Variants in RANBP2 observed in about 807,000 individuals in gnomAD.
RANBP2 encodes the protein RAN binding protein 2.
In RANBP2, 57 loss-of-function variants were observed where a neutral mutation model predicts 303.6. The observed-to-expected ratio is 0.19, with a 90% confidence interval of 0.15 to 0.23. RANBP2 has a LOEUF of 0.23. Among genes scored for constraint, RANBP2 ranks in the 10% least tolerant of loss-of-function variants. The pLI, the probability that RANBP2 is intolerant of heterozygous loss-of-function variation, is 1.00. For missense variants in RANBP2, 3,138 were observed against 3,780.8 expected (o/e 0.83, Z 4.46); for synonymous variants, 1,167 against 1,301.5 (o/e 0.90, Z 2.23).
chr2:109,060,112 G>T, the RANBP2 span, among the ~76,000 whole-genome samples: 1 of 152,076 alleles, frequency 6.6e-6, no homozygotes, highest in Non-Finnish European at 1.5e-5. Context: ...ATACTTTGCA[G>T]TTACAGCTGA....
the RANBP2 span, among the ~76,000 whole-genome samples, chr2:109,689,533 G>A: frequency 6.6e-6 from 1 of 152,146 alleles, no homozygotes; most frequent in Non-Finnish European, 1.5e-5. Flanking sequence ...AGAGAGGTCA[G>A]CAGGCAACAA....
At chr2:109,713,753 TC>T in the RANBP2 span, among the ~76,000 whole-genome samples, 1 of 152,170 alleles carries the variant, frequency 6.6e-6, no homozygotes, top group African/African-American at 2.4e-5. Flanking sequence ...TTAAAGGGCA[TC>T]TGCAAAGAGC....
the RANBP2 span, among the ~76,000 whole-genome samples, chr2:109,691,600 T>C: frequency 1.3e-5 from 2 of 152,024 alleles, no homozygotes; most frequent in African/African-American, 4.8e-5. Flanking sequence ...GTACCTCAGG[T>C]GATCTCCTGG....
chr2:109,207,932 C>T, the RANBP2 span, among the ~76,000 whole-genome samples: 3 of 152,216 alleles, frequency 2.0e-5, no homozygotes, highest in African/African-American at 4.8e-5. Context: ...TAGTTTTGCT[C>T]TAATCTGGAA....
intron 7 of RANBP2, among the ~76,000 whole-genome samples, chr2:108,742,591 A>G (rs894919475): frequency 2.0e-5 from 3 of 152,112 alleles, no homozygotes; most frequent in African/African-American, 7.2e-5. Flanking sequence ...GGCATAAGCC[A>G]CCGAGCCCGG....
At chr2:109,561,869 GC>G in the RANBP2 span, among the ~76,000 whole-genome samples, 1 of 152,026 alleles carries the variant, frequency 6.6e-6, no homozygotes, top group Non-Finnish European at 1.5e-5. Flanking sequence ...CATATCCTTA[GC>G]CAGGTGTGAT....
the RANBP2 span, among the ~76,000 whole-genome samples, chr2:109,061,393 T>C: frequency 6.6e-6 from 1 of 152,114 alleles, no homozygotes; most frequent in African/African-American, 2.4e-5. Context: ...CATTTGTCAT[T>C]GCTGATTTTC....
At chr2:109,284,599 G>T in the RANBP2 span, among the ~76,000 whole-genome samples, 1 of 152,216 alleles carries the variant, frequency 6.6e-6, no homozygotes, top group Non-Finnish European at 1.5e-5. Context: ...TGGATGAAGG[G>T]CATAGAGTGG....
At chr2:109,448,872 A>G in the RANBP2 span, among the ~76,000 whole-genome samples, 1 of 152,166 alleles carries the variant, frequency 6.6e-6, no homozygotes, top group Non-Finnish European at 1.5e-5. Context: ...AGAACTGGGA[A>G]TGTGCCCATG....
At chr2:109,696,561 G>A in the RANBP2 span, among the ~76,000 whole-genome samples, 1 of 151,954 alleles carries the variant, frequency 6.6e-6, no homozygotes, top group Non-Finnish European at 1.5e-5. Context: ...TAGCTTCTTG[G>A]TCTTAAAATT....
At chr2:109,501,776 C>T in the RANBP2 span, 1 of 639,116 alleles carries the variant, frequency 1.6e-6, no homozygotes, top group Non-Finnish European at 2.8e-6. Context: ...CAGGTCATCT[C>T]CAAGGCACCT....
the RANBP2 span, among the ~76,000 whole-genome samples, chr2:109,361,565 C>T: frequency 6.6e-6 from 1 of 152,124 alleles, no homozygotes; most frequent in Non-Finnish European, 1.5e-5. Flanking sequence ...CCTCCGCCTC[C>T]CTGGTCCAAG....
At chr2:108,754,809 C>T in intron 15 of RANBP2, 96 bp from the exon 16 acceptor site, 2 of 1,586,350 alleles carry the variant, frequency 1.3e-6, no homozygotes, top group Non-Finnish European at 1.7e-6. Flanking sequence ...ATTAAAGTGG[C>T]AAAAATGTAA....
At chr2:109,273,087 C>T in the RANBP2 span, among the ~76,000 whole-genome samples, 9 of 152,270 alleles carry the variant, frequency 5.9e-5, no homozygotes, top group East Asian at 1.3e-3. Flanking sequence ...CTGAGTATTT[C>T]GGGTTGAAGA....
At chr2:109,287,241 C>T in the RANBP2 span, among the ~76,000 whole-genome samples, 14 of 152,156 alleles carry the variant, frequency 9.2e-5, no homozygotes, top group African/African-American at 2.9e-4. Flanking sequence ...TCGGGTCTAG[C>T]GAATGGCCCC....
chr2:109,146,426 C>G, the RANBP2 span, among the ~76,000 whole-genome samples: 9 of 152,214 alleles, frequency 5.9e-5, no homozygotes, highest in African/African-American at 2.2e-4. Flanking sequence ...TCTGTGGAGT[C>G]TTCTTGCATC....
At chr2:109,236,998 A>C in the RANBP2 span, among the ~76,000 whole-genome samples, 5 of 152,250 alleles carry the variant, frequency 3.3e-5, no homozygotes. Context: ...CAGAAAGATC[A>C]GGGGAAGCTA....
the RANBP2 span, among the ~76,000 whole-genome samples, chr2:108,920,101 GC>G: frequency 6.4e-4 from 98 of 152,330 alleles, no homozygotes; most frequent in African/African-American, 2.3e-3. Flanking sequence ...CCTTCTGTGT[GC>G]TGTCCACACC....
the RANBP2 span, among the ~76,000 whole-genome samples, chr2:109,655,504 G>C: frequency 6.6e-6 from 1 of 152,158 alleles, no homozygotes; most frequent in African/African-American, 2.4e-5. Flanking sequence ...TGGGAGGGGA[G>C]CAAACTTGGA....
Sources: allele counts gnomAD v4.1 joint callset (sites outside exome capture counted in the v4.1 genomes callset), GRCh38; gene constraint gnomAD v4.1.1; transcripts MANE v1.5; gene names NCBI Gene and HGNC (gene_info 2026-07-23, HGNC 2026-07-21).